Variants in TTC39C observed in about 807,000 individuals in gnomAD.
The protein encoded by TTC39C is tetratricopeptide repeat domain 39C.
TTC39C carries 33 observed loss-of-function variants against 76.3 expected under a neutral mutation model. The observed-to-expected ratio is 0.43, with a 90% confidence interval of 0.33 to 0.58. The LOEUF (loss-of-function observed/expected upper bound fraction) is 0.58, where lower values mean the gene tolerates loss of function less well. Ranked by LOEUF, TTC39C falls within the 20% of genes least tolerant of loss-of-function variation. TTC39C has a pLI of 0.04. For synonymous variants in TTC39C, 254 were observed against 260.6 expected (o/e 0.97, Z 0.24); for missense variants, 595 against 701.4 (o/e 0.85, Z 1.71).
At chr18:24,101,745 T>C (rs897031036) in intron 6 of TTC39C, among the ~76,000 whole-genome samples, 9 of 152,260 alleles carry the variant, frequency 5.9e-5, no homozygotes, top group African/African-American at 2.2e-4. Context: ...CTTGAAATGC[T>C]GTCTTCATTG....
chr18:24,051,578 C>T (rs996017758), intron 1 of TTC39C, among the ~76,000 whole-genome samples: 1 of 152,190 alleles, frequency 6.6e-6, no homozygotes, highest in Non-Finnish European at 1.5e-5. Flanking sequence ...GTGAATCAAA[C>T]ACTCATAAAC....
chr18:24,045,919 A>ATGTACATATATATATATATATC (rs2083871856), intron 1 of TTC39C, among the ~76,000 whole-genome samples: 1 of 26,790 alleles, frequency 3.7e-5, no homozygotes, highest in African/African-American at 1.7e-4. Flanking sequence ...ATATATATAT[A>ATGTACATATATATATATATATC]TATATATATT....
At chr18:24,053,653 G>A (rs145141612) in intron 1 of TTC39C, among the ~76,000 whole-genome samples, 44 of 152,306 alleles carry the variant, frequency 2.9e-4, no homozygotes, top group African/African-American at 1.0e-3. Flanking sequence ...TTGCCACAGT[G>A]TATTCAAGTT....
intron 1 of TTC39C, among the ~76,000 whole-genome samples, chr18:24,058,306 C>G (rs1471839754): frequency 2.0e-5 from 3 of 152,096 alleles, no homozygotes; most frequent in Non-Finnish European, 4.4e-5. Flanking sequence ...TACCACTGAA[C>G]CTAAAATTAA....
chr18:24,032,692 T>C (rs936709319), intron 1 of TTC39C, among the ~76,000 whole-genome samples: 2 of 152,270 alleles, frequency 1.3e-5, no homozygotes, highest in African/African-American at 2.4e-5. Flanking sequence ...TGTGGCAGCA[T>C]GCCAGCCCTC....
At chr18:24,107,892 G>GT (rs1555776848) in intron 6 of TTC39C, among the ~76,000 whole-genome samples, 3 of 145,284 alleles carry the variant, frequency 2.1e-5, no homozygotes, top group Non-Finnish European at 3.0e-5. Flanking sequence ...CCAAGTAGGG[G>GT]GGGGGGTACA....
chr18:24,047,202 T>A (rs1424646083), intron 1 of TTC39C, among the ~76,000 whole-genome samples: 1 of 151,712 alleles, frequency 6.6e-6, no homozygotes, highest in African/African-American at 2.4e-5. Context: ...CAAGCGATTC[T>A]CCTGCCTCAG....
At chr18:24,047,406 A>G (rs1469592604) in intron 1 of TTC39C, among the ~76,000 whole-genome samples, 2 of 152,092 alleles carry the variant, frequency 1.3e-5, no homozygotes, top group Non-Finnish European at 2.9e-5. Context: ...ATTGATATAT[A>G]TTTCTTAATA....
intron 10 of TTC39C, among the ~76,000 whole-genome samples, chr18:24,128,466 A>G (rs2145830069): frequency 6.6e-6 from 1 of 151,220 alleles, no homozygotes; most frequent in South Asian, 2.1e-4. Flanking sequence ...TATATATCTT[A>G]TTGAATCTCA....
chr18:24,115,449 T>G (rs953110573), intron 7 of TTC39C, among the ~76,000 whole-genome samples: 1 of 152,256 alleles, frequency 6.6e-6, no homozygotes, highest in Non-Finnish European at 1.5e-5. Context: ...TTTCAGAGTT[T>G]CAGCGTAGCT....
At chr18:24,002,920 A>G (rs573576535) in intron 1 of TTC39C, among the ~76,000 whole-genome samples, 2 of 152,336 alleles carry the variant, frequency 1.3e-5, no homozygotes, top group South Asian at 2.1e-4. Flanking sequence ...ATTGCCTTCC[A>G]TAAGTCTCTA....
intron 3 of TTC39C, among the ~76,000 whole-genome samples, chr18:24,068,209 A>C (rs2084192176): frequency 6.6e-6 from 1 of 152,226 alleles, no homozygotes; most frequent in Non-Finnish European, 1.5e-5. Context: ...TCAGTATCTC[A>C]TTAGCCCTCC....
intron 1 of TTC39C, among the ~76,000 whole-genome samples, chr18:24,062,870 C>A (rs1329372307): frequency 6.6e-6 from 1 of 152,124 alleles, no homozygotes; most frequent in Non-Finnish European, 1.5e-5. Context: ...ATATATTTGG[C>A]CTTGCCTGCA....
chr18:24,028,625 G>A (rs1053360856), intron 1 of TTC39C, among the ~76,000 whole-genome samples: 3 of 152,186 alleles, frequency 2.0e-5, no homozygotes, highest in Non-Finnish European at 2.9e-5. Flanking sequence ...CTGAGAACTG[G>A]TTCACACAAA....
At position 24,128,892 on chromosome 18, in the gene TTC39C, A is replaced by G. The variant is rs1369362258; in HGVS notation, c.1427A>G (p.His476Arg). The G allele has an allele frequency of 6.2e-6, 10 of 1,613,020 alleles. No individual in the cohort carries two copies. The highest frequency in any genetic ancestry group is 3.3e-5 in the Admixed American group (2 of 59,900). ...CACTCCCCTTCTTTTTAAGCTTGCC[A>G]TGAAGTGGATGACTCATCTGTTGTT... Reference protein sequence around the residue: ...PNLQRMSQACHEVDDSSVVGL... With the variant: ...PNLQRMSQACREVDDSSVVGL... Residue 476 changes from histidine to arginine, a missense_variant, in exon 11 of 14, where the codon CAT becomes CGT. Physicochemically the swap from His to Arg is conservative, Grantham distance 29. Coordinates refer to ENST00000317571, the MANE Select transcript of TTC39C (RefSeq NM_001135993.2).
intron 1 of TTC39C, among the ~76,000 whole-genome samples, chr18:24,056,321 T>C (rs2145719483): frequency 6.6e-6 from 1 of 152,042 alleles, no homozygotes; most frequent in Middle Eastern, 3.4e-3. Flanking sequence ...TCCCCAGGAG[T>C]CGAAACCCCC....
chr18:24,008,343 CA>C (rs1171476625), intron 1 of TTC39C, among the ~76,000 whole-genome samples: 7 of 152,192 alleles, frequency 4.6e-5, no homozygotes, highest in Non-Finnish European at 7.3e-5. Flanking sequence ...TTAGATGAAC[CA>C]AAAGGTATCT....
At chr18:24,110,565 A>G (rs1451553068) in intron 6 of TTC39C, among the ~76,000 whole-genome samples, 2 of 152,270 alleles carry the variant, frequency 1.3e-5, no homozygotes, top group Non-Finnish European at 2.9e-5. Context: ...GCCAAAATCC[A>G]GAGTTTTCCC....
At chr18:24,036,420 A>G (rs1285062419) in intron 1 of TTC39C, among the ~76,000 whole-genome samples, 2 of 152,194 alleles carry the variant, frequency 1.3e-5, no homozygotes, top group Non-Finnish European at 2.9e-5. Context: ...TTTTCAGTGT[A>G]TAAGTCTTTC....
Sources: allele counts gnomAD v4.1 joint callset (sites outside exome capture counted in the v4.1 genomes callset), GRCh38; gene constraint gnomAD v4.1.1; transcripts MANE v1.5; gene names NCBI Gene and HGNC (gene_info 2026-07-23, HGNC 2026-07-21).